The following SGCZ variants were observed in gnomAD, a reference collection of about 807,000 sequenced individuals.
SGCZ encodes zeta-sarcoglycan.
Under a neutral mutation model 41.3 loss-of-function variants are expected in SGCZ, and 40 were observed. The ratio of observed to expected loss-of-function variants is 0.97; its 90% CI spans 0.75 to 1.26. The LOEUF (loss-of-function observed/expected upper bound fraction) is 1.26. SGCZ is among the 50% of genes most tolerant of loss of function. The probability of loss-of-function intolerance (pLI) is 0.00; values close to 1 mark genes in which losing one functional copy is unlikely to be tolerated. For missense variants in SGCZ, 552 were observed against 369.8 expected, an observed-to-expected ratio of 1.49 and a Z score of -4.04; for synonymous variants, 206 against 137.5, an observed-to-expected ratio of 1.50 and a Z score of -3.49.
chr8:14,642,331 T>C lies in SGCZ; in HGVS notation c.40-87405A>G, dbSNP rs979143455. Among the ~76,000 whole-genome samples, 6 of 151,780 alleles carry C rather than the reference T, an allele frequency of 4.0e-5. No homozygotes were observed. The East Asian group carries it at 5.8e-4, about 15-fold the overall frequency. The stretch of plus-strand genomic sequence containing the variant: ...CTGTTATAAAATTATATAAGAACTA[T>C]ACCATCTCCTTGTTAAGTCAGAAAA... On this transcript the variant is annotated intron_variant, in intron 1 of 7. Transcript: ENST00000382080.
intron 1 of SGCZ, among the ~76,000 whole-genome samples, chr8:15,039,696 T>C (rs1804009124): frequency 6.6e-6 from 1 of 152,224 alleles, no homozygotes; most frequent in Non-Finnish European, 1.5e-5. Flanking sequence ...TTTCACTCAC[T>C]GACTATGATA....
intron 1 of SGCZ, among the ~76,000 whole-genome samples, chr8:15,187,646 T>C (rs1800388477): frequency 6.6e-6 from 1 of 152,002 alleles, no homozygotes. Context: ...CATTTCTCCT[T>C]CTCACTAGCT....
At chr8:15,197,795 C>A (rs1800775820) in intron 1 of SGCZ, among the ~76,000 whole-genome samples, 1 of 151,980 alleles carries the variant, frequency 6.6e-6, no homozygotes, top group African/African-American at 2.4e-5. Flanking sequence ...TGCAGTTACA[C>A]TTATTTGCCA....
chr8:15,161,286 C>G (rs1163940759), intron 1 of SGCZ, among the ~76,000 whole-genome samples: 2 of 152,150 alleles, frequency 1.3e-5, no homozygotes, highest in Non-Finnish European at 2.9e-5. Context: ...ACTGTCGACT[C>G]TCCTGTAAGG....
chr8:14,267,717 G>A (rs569443289), intron 3 of SGCZ, among the ~76,000 whole-genome samples: 1 of 152,006 alleles, frequency 6.6e-6, no homozygotes, highest in Non-Finnish European at 1.5e-5. Flanking sequence ...TGGGATCTTG[G>A]TCCACTCATC....
chr8:14,657,373 T>C (rs749203786), intron 1 of SGCZ, among the ~76,000 whole-genome samples: 1 of 152,086 alleles, frequency 6.6e-6, no homozygotes, highest in South Asian at 2.1e-4. Flanking sequence ...AGCATAACTA[T>C]ATATGCATCA....
intron 1 of SGCZ, among the ~76,000 whole-genome samples, chr8:14,848,366 T>C (rs1803205019): frequency 6.6e-6 from 1 of 152,182 alleles, no homozygotes; most frequent in Admixed American, 6.5e-5. Context: ...TTCAAATTCA[T>C]ATTTAAATGC....
At chr8:14,192,493 G>A (rs1326549560) in intron 4 of SGCZ, among the ~76,000 whole-genome samples, 1 of 151,712 alleles carries the variant, frequency 6.6e-6, no homozygotes, top group East Asian at 1.9e-4. Flanking sequence ...TTATCTCCCA[G>A]AATTATTTTA....
chr8:14,832,370 C>T (rs1563301478), intron 1 of SGCZ, among the ~76,000 whole-genome samples: 3 of 152,054 alleles, frequency 2.0e-5, no homozygotes, highest in African/African-American at 7.2e-5. Context: ...CAAGAACATC[C>T]CTGAATTTAC....
intron 4 of SGCZ, among the ~76,000 whole-genome samples, chr8:14,198,204 C>A (rs972277251): frequency 6.6e-6 from 1 of 152,036 alleles, no homozygotes; most frequent in Admixed American, 6.6e-5. Flanking sequence ...ATCAGTCAGC[C>A]GTTTGTCTAG....
rs567534607 is a variant in SGCZ, at chr8:14,726,920, T to C, written c.40-171994A>G. 2.6e-5 allele frequency among the ~76,000 whole-genome samples: 4 copies of C among 152,162 alleles called. No homozygotes were observed. The East Asian group carries it at 7.7e-4, about 29-fold the overall frequency. On this transcript the variant is annotated intron_variant, in intron 1 of 7. Transcript: ENST00000382080. The stretch of plus-strand genomic sequence containing the variant: ...CAAAGAAAGTATTAAGGTAAAAAAC[T>C]TATGAGCTTCACGAATCATGAAGGC...
At chr8:14,726,341 T>TATATATATAA (rs1426005706) in intron 1 of SGCZ, among the ~76,000 whole-genome samples, 9 of 144,522 alleles carry the variant, frequency 6.2e-5, no homozygotes, top group South Asian at 2.2e-4. Context: ...TATATATATA[T>TATATATATAA]AAAATTAGAT....
At chr8:14,164,479 A>C in intron 5 of SGCZ, 101 bp downstream of exon 5, 1 of 1,403,652 alleles carries the variant, frequency 7.1e-7, no homozygotes, top group Non-Finnish European at 9.8e-7. Flanking sequence ...GTAAGACTCT[A>C]CTTTAGGCAT....
intron 2 of SGCZ, among the ~76,000 whole-genome samples, chr8:14,325,281 G>C (rs1417202776): frequency 6.6e-6 from 1 of 151,888 alleles, no homozygotes; most frequent in African/African-American, 2.4e-5. Context: ...CAGACTTGTT[G>C]ACTAATTTTA....
intron 4 of SGCZ, among the ~76,000 whole-genome samples, chr8:14,168,644 G>A (rs911940440): frequency 3.3e-5 from 5 of 152,116 alleles, no homozygotes; most frequent in Non-Finnish European, 5.9e-5. Context: ...TCCATAAACC[G>A]CTTTTTCTTT....
chr8:14,465,259 A>G (rs577370183), intron 2 of SGCZ, among the ~76,000 whole-genome samples: 2 of 151,866 alleles, frequency 1.3e-5, no homozygotes, highest in South Asian at 2.1e-4. Flanking sequence ...TATTAGGTAC[A>G]TAAATGTTTA....
At chr8:14,262,479 T>C (rs565213681) in intron 3 of SGCZ, among the ~76,000 whole-genome samples, 2 of 152,170 alleles carry the variant, frequency 1.3e-5, no homozygotes, top group East Asian at 3.9e-4. Flanking sequence ...TAAAGTGGAA[T>C]ACCCACATGT....
chr8:14,959,086 A>C (rs1163152490), intron 1 of SGCZ, among the ~76,000 whole-genome samples: 1 of 152,142 alleles, frequency 6.6e-6, no homozygotes, highest in Non-Finnish European at 1.5e-5. Flanking sequence ...TATAAACATT[A>C]CCATCAACTA....
rs10092523 is a variant in SGCZ at position 14,808,828 on chromosome 8, A to G, written c.40-253902T>C. Among the ~76,000 whole-genome samples, 5 of 151,484 alleles carry G rather than the reference A, an allele frequency of 3.3e-5. No homozygotes were observed. In the East Asian group the frequency reaches 9.7e-4, roughly 29 times the overall value. Reference sequence around the variant, plus strand: ...CACAATAGCAAAGACTTGGAACCAAACCAAATGTCCAACGATGATAGACTG... The same window carrying G: ...CACAATAGCAAAGACTTGGAACCAAGCCAAATGTCCAACGATGATAGACTG... On this transcript the variant is annotated intron_variant, in intron 1 of 7. Coordinates refer to ENST00000382080, the MANE Select transcript of SGCZ (RefSeq NM_139167.4).
Sources: allele counts gnomAD v4.1 joint callset (sites outside exome capture counted in the v4.1 genomes callset), GRCh38; gene constraint gnomAD v4.1.1; transcripts MANE v1.5; gene names NCBI Gene and HGNC (gene_info 2026-07-23, HGNC 2026-07-21).